The following IL12B variants were observed in gnomAD, a reference collection of about 807,000 sequenced individuals.
IL12B encodes the protein interleukin 12B, also known as interleukin-12 subunit beta.
A neutral mutation model predicts 39.2 loss-of-function variants in IL12B; 27 were observed. The observed-to-expected ratio is 0.69, with a 90% CI of 0.51 to 0.95. IL12B has a LOEUF of 0.95. IL12B is among the 40% of genes least tolerant of loss of function. The pLI, the probability that IL12B is intolerant of heterozygous loss-of-function variation, is 0.00. For missense variants in IL12B, 351 were observed against 397.6 expected (o/e 0.88, Z 1.00); for synonymous variants, 142 against 152.1 (o/e 0.93, Z 0.49).
chr5:159,318,719 C>A lies in IL12B; in HGVS notation c.855+17G>T. 6.2e-7 allele frequency: 1 copy of A among 1,613,678 alleles called. No individual in the cohort carries two copies. Among genetic ancestry groups the A allele is most frequent in the African/African-American group, 1.3e-5 (1 of 74,992 alleles). ...AAAACTGACCAAGGAATATACTGCA[C>A]CTGAATCACTTCTTACCTTTTCTCT... On this transcript the variant is annotated intron_variant, in intron 6 of 7. Coordinates refer to ENST00000231228, the MANE Select transcript of IL12B (RefSeq NM_002187.3).
intron 1 of IL12B, among the ~76,000 whole-genome samples, chr5:159,329,892 T>G (rs1233414798): frequency 6.6e-6 from 1 of 152,226 alleles, no homozygotes; most frequent in East Asian, 1.9e-4. Flanking sequence ...GGGCCAAAGT[T>G]AGTTAATCCA....
intron 2 of IL12B, among the ~76,000 whole-genome samples, chr5:159,324,367 T>C (rs577755208): frequency 6.6e-6 from 1 of 152,358 alleles, no homozygotes; most frequent in African/African-American, 2.4e-5. Flanking sequence ...TTCATTTTTT[T>C]AATCCATGCA....
chr5:159,317,249 A>G (rs1171598563), intron 6 of IL12B, among the ~76,000 whole-genome samples: 1 of 152,202 alleles, frequency 6.6e-6, no homozygotes, highest in Non-Finnish European at 1.5e-5. Context: ...CTTCAGGAAA[A>G]TGTCTTAGGT....
chr5:159,326,213 T>C (rs1455944093), intron 2 of IL12B, among the ~76,000 whole-genome samples: 1 of 152,164 alleles, frequency 6.6e-6, no homozygotes, highest in African/African-American at 2.4e-5. Context: ...TAACCAGTCA[T>C]TGACAGACCT....
chr5:159,328,130 G>T (rs182302243), intron 1 of IL12B, among the ~76,000 whole-genome samples: 1 of 152,152 alleles, frequency 6.6e-6, no homozygotes, highest in Non-Finnish European at 1.5e-5. Context: ...AACTCTAGGC[G>T]GACCTTGCTA....
At chr5:159,322,063 G>A (rs1241521340) in intron 4 of IL12B, among the ~76,000 whole-genome samples, 1 of 152,106 alleles carries the variant, frequency 6.6e-6, no homozygotes, top group Non-Finnish European at 1.5e-5. Flanking sequence ...CAAGTCATTT[G>A]TAGCTTTGAA....
intron 3 of IL12B, 57 bp from the exon 4 acceptor site, chr5:159,322,568 G>A: frequency 9.1e-7 from 1 of 1,101,112 alleles, no homozygotes; most frequent in South Asian, 1.2e-5. Context: ...GAAAGGTTTT[G>A]ATTGTGATGA....
intron 2 of IL12B, among the ~76,000 whole-genome samples, chr5:159,323,940 T>C (rs931390669): frequency 6.6e-6 from 1 of 151,200 alleles, no homozygotes; most frequent in Non-Finnish European, 1.5e-5. Flanking sequence ...TAGCACAGTG[T>C]CTGCCACACA....
rs56287471 is a variant in IL12B, at chr5:159,323,135, C to T, written c.283G>A (p.Glu95Lys). 500 of 1,614,144 alleles carry T rather than the reference C, an allele frequency of 3.1e-4. 3 individuals carry two copies. In the African/African-American group the frequency reaches 5.8e-3, roughly 19 times the overall value. The change falls in exon 3 of 8, where the codon GAG becomes AAG. Residue 95 changes from glutamate to lysine, a missense_variant. By Grantham distance (56) the Glu-to-Lys change is moderately conservative. Coordinates refer to ENST00000231228, the MANE Select transcript of IL12B (RefSeq NM_002187.3). ...AGQYTCHKGG[E>K]VLSHSLLLLH... is the part of the protein sequence containing the mutation. ...AGCAGGAGCGAATGGCTTAGAACCTCGCCTCCTTTGTGACAGGTGTACTGG... is the reference window on the plus strand; with the variant it reads ...AGCAGGAGCGAATGGCTTAGAACCTTGCCTCCTTTGTGACAGGTGTACTGG...
At chr5:159,318,656 A>T in intron 6 of IL12B, 80 bp downstream of exon 6, 1 of 1,231,032 alleles carries the variant, frequency 8.1e-7, no homozygotes. Context: ...CATTGTTATT[A>T]TCATCATTCA....
At chr5:159,325,765 G>T (rs941121148) in intron 2 of IL12B, 1 of 152,118 alleles carries the variant, frequency 6.6e-6, no homozygotes, top group Non-Finnish European at 1.5e-5. Context: ...AATTAAGTGA[G>T]ACAGTGCACT....
Position 159,321,913 on chromosome 5 carries a change from G to A in IL12B, c.482+481C>T, listed in dbSNP as rs1024651825. On this transcript the variant is annotated intron_variant, in intron 4 of 7. Coordinates refer to ENST00000231228, the MANE Select transcript of IL12B (RefSeq NM_002187.3). Reference sequence around the variant, plus strand: ...CAACAGCGAACTTCAGATTAGTGGTGTCAGCAGAAGTAAAAGGAGTTGAGG... The same window carrying A: ...CAACAGCGAACTTCAGATTAGTGGTATCAGCAGAAGTAAAAGGAGTTGAGG... 1.2e-4 allele frequency among the ~76,000 whole-genome samples: 19 copies of A among 152,304 alleles called. No homozygotes were observed. The East Asian group carries it at 1.5e-3, about 12-fold the overall frequency.
intron 1 of IL12B, among the ~76,000 whole-genome samples, chr5:159,329,448 T>G (rs898355611): frequency 9.9e-5 from 15 of 152,140 alleles, no homozygotes; most frequent in African/African-American, 3.6e-4. Context: ...GGACCCACTA[T>G]TTGCTCCCCT....
chr5:159,324,208 C>T (rs1046544105), intron 2 of IL12B, among the ~76,000 whole-genome samples: 1 of 152,134 alleles, frequency 6.6e-6, no homozygotes, highest in African/African-American at 2.4e-5. Context: ...ACGATCTAAG[C>T]ATGGTCACAG....
chr5:159,323,456 G>T, intron 2 of IL12B, 127 bp from the exon 3 acceptor site: 5 of 879,300 alleles, frequency 5.7e-6, no homozygotes, highest in Non-Finnish European at 7.3e-6. Context: ...TTTGGCAAAT[G>T]CTTGCTGAGA....
At chr5:159,317,370 T>A (rs3213109) in intron 6 of IL12B, among the ~76,000 whole-genome samples, 2,487 of 152,306 alleles carry the variant, frequency 0.016, 76 homozygotes, top group African/African-American at 0.057. Context: ...CTTTAGCACA[T>A]AGGAAGCACT....
At chr5:159,320,213 G>T in intron 5 of IL12B, 93 bp downstream of exon 5, 1 of 1,071,304 alleles carries the variant, frequency 9.3e-7, no homozygotes, top group Middle Eastern at 2.0e-4. Context: ...GATGATGCTT[G>T]TCAACCACCT....
Position 159,318,742 on chromosome 5 carries a change from T to C in IL12B, c.849A>G (p.Arg283=), listed in dbSNP as rs1584752692. 4 of 1,614,156 alleles carry C rather than the reference T, an allele frequency of 2.5e-6. No individual in the cohort carries two copies. In the East Asian group the frequency reaches 6.7e-5, roughly 27 times the overall value. The change falls in exon 6 of 8, where the codon AGA becomes AGG. Residue 283 remains arginine (R), a synonymous_variant. Transcript: ENST00000231228. Reference sequence around the variant, plus strand: ...CACCTGAATCACTTCTTACCTTTTCTCTCTTGCTCTTGCCCTGGACCTGAA... The same window carrying C: ...CACCTGAATCACTTCTTACCTTTTCCCTCTTGCTCTTGCCCTGGACCTGAA... ...FCVQVQGKSK[R]EKKDRVFTDK... is the part of the protein sequence containing the mutation.
chr5:159,322,610 T>G (rs1754111763), intron 3 of IL12B, 99 bp from the exon 4 acceptor site: 11 of 818,286 alleles, frequency 1.3e-5, no homozygotes, highest in South Asian at 1.2e-4. Flanking sequence ...CAGGGTGAAG[T>G]TCTTCCATGC....
Sources: gnomAD v4.1 joint callset for allele counts (sites outside exome capture counted in the v4.1 genomes callset) on GRCh38, gnomAD v4.1.1 for gene constraint, MANE v1.5 for transcripts, NCBI Gene and HGNC (gene_info 2026-07-23, HGNC 2026-07-21) for gene names.